RANGAP1: variants seen among roughly 807,000 people sequenced by gnomAD.
RANGAP1 encodes the protein Ran GTPase activating protein 1, also known as ran GTPase-activating protein 1.
RANGAP1 carries 38 observed loss-of-function variants against 63.5 expected under a neutral mutation model. The observed-to-expected ratio is 0.60, with a 90% confidence interval of 0.46 to 0.78. RANGAP1 has a LOEUF of 0.78. Among genes scored for constraint, RANGAP1 ranks in the 30% least tolerant of loss-of-function variants. The pLI, the probability that RANGAP1 is intolerant of heterozygous loss-of-function variation, is 0.00. For synonymous variants in RANGAP1, 329 were observed against 310.5 expected (o/e 1.06, Z -0.63); for missense variants, 630 against 740.3 (o/e 0.85, Z 1.73).
rs535532312 is a variant in RANGAP1 at position 41,285,827 on chromosome 22, C to T, written c.-39+159G>A. On this transcript the variant is annotated intron_variant, in intron 1 of 15. Coordinates refer to ENST00000356244, the MANE Select transcript of RANGAP1 (RefSeq NM_002883.4). ...GAAAGGAGCCAGCGCCGCTCAACAACCCCACTCCCACCGCCACCCCTGGGG... is the reference window on the plus strand; with the variant it reads ...GAAAGGAGCCAGCGCCGCTCAACAATCCCACTCCCACCGCCACCCCTGGGG... 209 of 570,778 alleles carry T rather than the reference C, an allele frequency of 3.7e-4. No individual in the cohort carries two copies. In the African/African-American group the frequency reaches 4.2e-3, roughly 11 times the overall value. 35.4% of individuals were successfully genotyped at this position (570,778 alleles called of 1,614,324 possible). A position where few individuals can be genotyped will look rare whatever the true frequency, so the allele number is the denominator to read the frequency against.
chr22:41,275,957 A>G (rs1028288237), intron 2 of RANGAP1, among the ~76,000 whole-genome samples: 7 of 152,122 alleles, frequency 4.6e-5, no homozygotes, highest in Admixed American at 4.6e-4. Context: ...TCAAAACAAA[A>G]CAAACAAAAA....
intron 3 of RANGAP1, among the ~76,000 whole-genome samples, chr22:41,272,798 C>G (rs531614262): frequency 5.1e-4 from 78 of 151,686 alleles, no homozygotes; most frequent in African/African-American, 1.8e-3. Flanking sequence ...ACAGGCGTGA[C>G]CCACCAGGCC....
chr22:41,266,454 A>T (rs1201727861), intron 4 of RANGAP1, among the ~76,000 whole-genome samples: 1 of 152,246 alleles, frequency 6.6e-6, no homozygotes, highest in Non-Finnish European at 1.5e-5. Flanking sequence ...GAAATGCTAA[A>T]ATTTAGGCAA....
At chr22:41,251,177 G>T in intron 12 of RANGAP1, 68 bp from the exon 13 acceptor site, 3 of 1,265,848 alleles carry the variant, frequency 2.4e-6, no homozygotes, top group Non-Finnish European at 2.3e-6. Context: ...TCTGACGCTA[G>T]CTAGGAGAGG....
At chr22:41,277,474 C>G (rs1437785254) in intron 2 of RANGAP1, 1 of 1,196,840 alleles carries the variant, frequency 8.4e-7, no homozygotes, top group Non-Finnish European at 1.1e-6. Flanking sequence ...CCAAAACTTA[C>G]ATGAAACAAA....
the RANGAP1 span, among the ~76,000 whole-genome samples, chr22:41,296,359 AAAC>A: frequency 5.9e-5 from 9 of 152,130 alleles, no homozygotes; most frequent in Non-Finnish European, 1.2e-4. Flanking sequence ...ACAAACAAAC[AAAC>A]AAGGCTGGGT....
chr22:41,259,064 C>T (rs1444204706), intron 6 of RANGAP1, among the ~76,000 whole-genome samples: 3 of 152,064 alleles, frequency 2.0e-5, no homozygotes, highest in Non-Finnish European at 2.9e-5. Context: ...ATCCAGTGTG[C>T]GTTCCTCTGT....
the RANGAP1 span, among the ~76,000 whole-genome samples, chr22:41,294,892 C>T: frequency 4.9e-5 from 4 of 81,600 alleles, no homozygotes; most frequent in Admixed American, 1.2e-4. Flanking sequence ...GGGGGGTGAG[C>T]CCCCCGCCCG....
In RANGAP1 at chr22:41,246,526, C is replaced by T; in HGVS notation, c.*77G>A. 7.0e-7 allele frequency: 1 copy of T among 1,435,450 alleles called. No individual in the cohort carries two copies. The highest frequency in any genetic ancestry group is 9.6e-7 in the Non-Finnish European group (1 of 1,045,078). 88.9% of individuals were successfully genotyped at this position (1,435,450 alleles called of 1,614,324 possible). ...GCCAGAGTCCTGTCCAAGGCAATGG[C>T]GTAGGCTGCGCCTCAGTTCATCCGA... On this transcript the variant is annotated 3_prime_UTR_variant, in exon 16 of 16. Coordinates refer to ENST00000356244, the MANE Select transcript of RANGAP1 (RefSeq NM_002883.4).
the RANGAP1 span, among the ~76,000 whole-genome samples, chr22:41,291,315 C>A: frequency 6.6e-6 from 1 of 151,950 alleles, no homozygotes; most frequent in Non-Finnish European, 1.5e-5. Flanking sequence ...ATTCCTTCAT[C>A]GGCTGGGTGC....
chr22:41,277,100 C>G (rs1402583031), intron 2 of RANGAP1, among the ~76,000 whole-genome samples: 1 of 90,096 alleles, frequency 1.1e-5, no homozygotes, highest in Non-Finnish European at 2.0e-5. Context: ...TTTTTTGAGA[C>G]GGAGTCTCGC....
chr22:41,284,162 G>C (rs898569248), intron 1 of RANGAP1, among the ~76,000 whole-genome samples: 30 of 152,068 alleles, frequency 2.0e-4, no homozygotes, highest in African/African-American at 7.0e-4. Flanking sequence ...CAAGAGAATG[G>C]CATGAACCCG....
At chr22:41,247,049 TTC>T (rs1267600780) in intron 15 of RANGAP1, among the ~76,000 whole-genome samples, 1 of 152,172 alleles carries the variant, frequency 6.6e-6, no homozygotes, top group Non-Finnish European at 1.5e-5. Flanking sequence ...GTTGCTTTTT[TTC>T]TTTTTCTTTT....
At chr22:41,287,158 A>G (rs1049262048), upstream of RANGAP1, among the ~76,000 whole-genome samples, 3 of 152,162 alleles carry the variant, frequency 2.0e-5, no homozygotes, top group Non-Finnish European at 4.4e-5. Context: ...TTGTTCTTGG[A>G]AAAAAATGCT....
chr22:41,277,071 ATTTTTTTT>A (rs1033324630), intron 2 of RANGAP1, among the ~76,000 whole-genome samples: 7 of 90,222 alleles, frequency 7.8e-5, no homozygotes, highest in Non-Finnish European at 1.4e-4. Flanking sequence ...GAAAGTGAGG[ATTTTTTTT>A]TTTTTTTTTT....
chr22:41,267,743 G>A (rs549558141), intron 4 of RANGAP1, among the ~76,000 whole-genome samples: 30 of 152,282 alleles, frequency 2.0e-4, no homozygotes, highest in African/African-American at 6.7e-4. Context: ...GAAGGAGCAG[G>A]ACTGCGAGGT....
chr22:41,263,703 T>A (rs1160153192), intron 5 of RANGAP1, among the ~76,000 whole-genome samples: 2 of 152,204 alleles, frequency 1.3e-5, no homozygotes. Flanking sequence ...CATTTTTACA[T>A]CTTAACACAG....
At chr22:41,281,539 C>T (rs896127267) in intron 1 of RANGAP1, 70 of 988,964 alleles carry the variant, frequency 7.1e-5, no homozygotes, top group Non-Finnish European at 8.1e-5. Flanking sequence ...CCAGATCATT[C>T]ATCCCAGAGA....
chr22:41,272,835 CAG>C (rs1371936786), intron 3 of RANGAP1, among the ~76,000 whole-genome samples: 2 of 151,118 alleles, frequency 1.3e-5, no homozygotes, highest in Admixed American at 1.3e-4. Context: ...TTTTTTGAGA[CAG>C]GGTCTTGCTC....
Sources: allele counts gnomAD v4.1 joint callset (sites outside exome capture counted in the v4.1 genomes callset), GRCh38; gene constraint gnomAD v4.1.1; transcripts MANE v1.5; gene names NCBI Gene and HGNC (gene_info 2026-07-23, HGNC 2026-07-21).